The following APP variants were observed in gnomAD, a reference collection of about 807,000 sequenced individuals.
APP encodes amyloid-beta precursor protein.
A neutral mutation model predicts 101.4 loss-of-function variants in APP; 31 were observed. That is an observed-to-expected ratio of 0.31 (90% CI 0.23 to 0.41). The LOEUF (loss-of-function observed/expected upper bound fraction) is 0.41. APP is among the 10% of genes least tolerant of loss of function. The probability of loss-of-function intolerance (pLI) is 1.00; values close to 1 mark genes in which losing one functional copy is unlikely to be tolerated. For synonymous variants in APP, 366 were observed against 364.4 expected (o/e 1.00, Z -0.05); for missense variants, 839 against 1,003.7 (o/e 0.84, Z 2.22).
intron 1 of APP, among the ~76,000 whole-genome samples, chr21:26,133,149 G>A (rs1252135857): frequency 6.6e-6 from 1 of 152,126 alleles, no homozygotes; most frequent in African/African-American, 2.4e-5. Flanking sequence ...GTGGAGGGAG[G>A]ATCGCTTGAG....
At chr21:25,897,711 A>G (rs766779487) in intron 15 of APP, 38 bp from the exon 16 acceptor site, 2 of 1,535,588 alleles carry the variant, frequency 1.3e-6, no homozygotes, top group South Asian at 2.2e-5. Flanking sequence ...AGGACAACCA[A>G]TTAGTTTTAC....
At chr21:26,107,240 G>C (rs949946857) in intron 2 of APP, among the ~76,000 whole-genome samples, 1 of 152,164 alleles carries the variant, frequency 6.6e-6, no homozygotes, top group Admixed American at 6.5e-5. Context: ...AAGTGTTCCT[G>C]TACCATGGAA....
chr21:26,083,551 C>T (rs2061640086), intron 3 of APP, among the ~76,000 whole-genome samples: 1 of 152,184 alleles, frequency 6.6e-6, no homozygotes, highest in African/African-American at 2.4e-5. Context: ...CAACTTTGTA[C>T]GTTGAATATA....
intron 13 of APP, among the ~76,000 whole-genome samples, chr21:25,952,954 A>G (rs1328587875): frequency 6.6e-6 from 1 of 152,246 alleles, no homozygotes; most frequent in Admixed American, 6.5e-5. Context: ...GAAACTTGAT[A>G]CAGTGAAAAA....
chr21:25,911,370 T>C (rs2039061040), intron 14 of APP, among the ~76,000 whole-genome samples: 1 of 152,218 alleles, frequency 6.6e-6, no homozygotes, highest in African/African-American at 2.4e-5. Context: ...CGAAGGATAA[T>C]ATTCCCTAGA....
At chr21:26,084,364 G>T (rs532571026) in intron 3 of APP, among the ~76,000 whole-genome samples, 1 of 139,968 alleles carries the variant, frequency 7.1e-6, no homozygotes, top group African/African-American at 2.7e-5. Context: ...TCAGCCTCCC[G>T]AGTAGCTGGG....
intron 1 of APP, among the ~76,000 whole-genome samples, chr21:26,161,640 A>G (rs2063493291): frequency 6.6e-6 from 1 of 152,214 alleles, no homozygotes; most frequent in African/African-American, 2.4e-5. Flanking sequence ...TCTATGATTA[A>G]TTATTCTTAG....
In APP at chr21:25,936,774, C is replaced by T. The variant is rs943156614; in HGVS notation, c.1687+17816G>A. On this transcript the variant is annotated intron_variant, in intron 13 of 17. Coordinates refer to ENST00000346798, the MANE Select transcript of APP (RefSeq NM_000484.4). ...ATTTTGGTATTTTGTTATGGCAGCC[C>T]TAGCAGACTAATGCATTTATCTAGT... Among the ~76,000 whole-genome samples the T allele has an allele frequency of 2.6e-5, 4 of 152,294 alleles. 1 individual carries two copies. The highest frequency in any genetic ancestry group is 7.2e-5 in the African/African-American group (3 of 41,566).
chr21:26,053,457 A>G (rs2045918259), intron 3 of APP, 109 bp from the exon 4 acceptor site: 1 of 810,196 alleles, frequency 1.2e-6, no homozygotes. Flanking sequence ...CAGCCTTTTA[A>G]TGCCTAAGCA....
At chr21:26,012,014 C>T (rs1020423062) in intron 6 of APP, among the ~76,000 whole-genome samples, 2 of 145,904 alleles carry the variant, frequency 1.4e-5, no homozygotes, top group African/African-American at 5.0e-5. Flanking sequence ...CTGCCTTAAT[C>T]TTTTTTTTTT....
At chr21:26,140,200 T>C in intron 1 of APP, 1 of 1,536,142 alleles carries the variant, frequency 6.5e-7, no homozygotes. Flanking sequence ...TCCATTTGAA[T>C]CTGGGGAAGA....
chr21:26,058,159 C>G (rs532111764), intron 3 of APP, among the ~76,000 whole-genome samples: 1 of 152,174 alleles, frequency 6.6e-6, no homozygotes, highest in African/African-American at 2.4e-5. Flanking sequence ...GTTTTATGGT[C>G]ACAGAAATTC....
chr21:25,899,331 CTCCT>C (rs1422852002), intron 15 of APP, among the ~76,000 whole-genome samples: 2 of 152,190 alleles, frequency 1.3e-5, no homozygotes, highest in Non-Finnish European at 2.9e-5. Flanking sequence ...TTTGCTGATA[CTCCT>C]TCCTTCAAGA....
intron 1 of APP, among the ~76,000 whole-genome samples, chr21:26,126,129 A>C (rs1049938430): frequency 6.6e-6 from 1 of 152,186 alleles, no homozygotes; most frequent in Non-Finnish European, 1.5e-5. Context: ...AAGCACAAAA[A>C]TTTTTTCACA....
Position 25,918,261 on chromosome 21 carries a change from A to C in APP, c.1688-6299T>G, listed in dbSNP as rs112878417. On this transcript the variant is annotated intron_variant, in intron 13 of 17. Coordinates refer to ENST00000346798, the MANE Select transcript of APP (RefSeq NM_000484.4). ...TACTGTAGCACTATTTACAATAGCAAAGACTTGGAACCAACCAAAATGTCC... is the reference window on the plus strand; with the variant it reads ...TACTGTAGCACTATTTACAATAGCACAGACTTGGAACCAACCAAAATGTCC... Among the ~76,000 whole-genome samples, 914 of 152,350 alleles carry C rather than the reference A, an allele frequency of 6.0e-3. 17 individuals carry two copies. Among genetic ancestry groups the C allele is most frequent in the African/African-American group, 0.021 (855 of 41,588 alleles).
intron 1 of APP, among the ~76,000 whole-genome samples, chr21:26,138,724 C>T (rs1479315759): frequency 6.6e-6 from 1 of 151,738 alleles, no homozygotes; most frequent in African/African-American, 2.4e-5. Flanking sequence ...CAAAACAAAA[C>T]AAAACAAAAT....
At chr21:25,982,217 T>C (rs1235475096) in intron 9 of APP, 127 bp downstream of exon 9, 2 of 1,121,240 alleles carry the variant, frequency 1.8e-6, no homozygotes, top group East Asian at 2.4e-5. Flanking sequence ...ACAGTAAACA[T>C]TTAAAATTAG....
chr21:26,168,556 T>C (rs1201819768), intron 1 of APP, among the ~76,000 whole-genome samples: 1 of 152,076 alleles, frequency 6.6e-6, no homozygotes, highest in African/African-American at 2.4e-5. Flanking sequence ...ACATGCTTCC[T>C]CTTTTTATAC....
chr21:25,979,554 T>C (rs1179348676), intron 9 of APP, among the ~76,000 whole-genome samples: 1 of 152,194 alleles, frequency 6.6e-6, no homozygotes, highest in Non-Finnish European at 1.5e-5. Context: ...CACTGGAATC[T>C]AGTAGACAAC....
Sources: allele counts gnomAD v4.1 joint callset (sites outside exome capture counted in the v4.1 genomes callset), GRCh38; gene constraint gnomAD v4.1.1; transcripts MANE v1.5; gene names NCBI Gene and HGNC (gene_info 2026-07-23, HGNC 2026-07-21).